Variants in RYR3 observed in about 807,000 individuals in gnomAD.
RYR3 encodes ryanodine receptor 3, also known as brain ryanodine receptor-calcium release channel.
RYR3 carries 207 observed loss-of-function variants against 584.3 expected under a neutral mutation model. The observed-to-expected ratio is 0.35, with a 90% confidence interval of 0.32 to 0.40. RYR3 has a LOEUF of 0.40. Among genes scored for constraint, RYR3 ranks in the 10% least tolerant of loss-of-function variants. RYR3 has a pLI of 1.00. For synonymous variants in RYR3, 2,416 were observed against 2,248.5 expected, an observed-to-expected ratio of 1.07 and a Z score of -2.11; for missense variants, 5,616 against 6,089.2, an observed-to-expected ratio of 0.92 and a Z score of 2.59.
chr15:33,322,412 A>G (rs1969092570), intron 1 of RYR3, among the ~76,000 whole-genome samples: 1 of 152,078 alleles, frequency 6.6e-6, no homozygotes. Flanking sequence ...ATTTCACAAG[A>G]ATCCCCTTTA....
intron 53 of RYR3, 93 bp downstream of exon 53, chr15:33,746,250 C>A (rs1054153285): frequency 2.3e-6 from 2 of 868,310 alleles, no homozygotes; most frequent in Non-Finnish European, 3.8e-6. Context: ...TTCACTCTCA[C>A]GTCCCTACAA....
At chr15:33,536,115 T>A (rs1400760332) in intron 5 of RYR3, among the ~76,000 whole-genome samples, 2 of 152,172 alleles carry the variant, frequency 1.3e-5, no homozygotes, top group Non-Finnish European at 2.9e-5. Flanking sequence ...TCACACGGAA[T>A]CCAACAGAAG....
Position 33,355,409 on chromosome 15 carries a change from T to C in RYR3, c.51+44313T>C, listed in dbSNP as rs1973835429. Among the ~76,000 whole-genome samples, 2 of 152,150 alleles carry C rather than the reference T, an allele frequency of 1.3e-5. 1 individual carries two copies. Among genetic ancestry groups the C allele is most frequent in the South Asian group, 4.1e-4 (2 of 4,832 alleles). On this transcript the variant is annotated intron_variant, in intron 1 of 103. Coordinates refer to ENST00000634891, the MANE Select transcript of RYR3 (RefSeq NM_001036.6). ...ATCATATGGTACCTATAGCATCACATAGCAGCCTTCCCAGCAACCCTATGA... is the reference window on the plus strand; with the variant it reads ...ATCATATGGTACCTATAGCATCACACAGCAGCCTTCCCAGCAACCCTATGA...
chr15:33,570,847 T>G (rs2057990253), intron 12 of RYR3, among the ~76,000 whole-genome samples: 1 of 151,670 alleles, frequency 6.6e-6, no homozygotes, highest in African/African-American at 2.4e-5. Flanking sequence ...TATAATTATT[T>G]TTTTGATTTC....
chr15:33,859,477 G>A, intron 99 of RYR3, 98 bp from the exon 100 acceptor site: 1 of 1,392,826 alleles, frequency 7.2e-7, no homozygotes, highest in Non-Finnish European at 1.0e-6. Context: ...GTGGCTTAGG[G>A]CTGCCACAAT....
intron 16 of RYR3, among the ~76,000 whole-genome samples, chr15:33,596,765 T>C (rs1160044112): frequency 6.6e-6 from 1 of 152,208 alleles, no homozygotes; most frequent in Non-Finnish European, 1.5e-5. Context: ...TTCCTTTCAA[T>C]GGCAAAAACC....
At chr15:33,775,652 G>T (rs931674925) in intron 64 of RYR3, among the ~76,000 whole-genome samples, 1 of 152,092 alleles carries the variant, frequency 6.6e-6, no homozygotes, top group African/African-American at 2.4e-5. Flanking sequence ...TACTTCTTTC[G>T]CTTTGCCTGA....
At chr15:33,555,008 T>G (rs1595570070) in intron 10 of RYR3, among the ~76,000 whole-genome samples, 2 of 152,222 alleles carry the variant, frequency 1.3e-5, no homozygotes, top group African/African-American at 4.8e-5. Context: ...TTGGGATAGA[T>G]TCTCGAATGT....
chr15:33,639,017 G>A (rs114868692), intron 27 of RYR3, among the ~76,000 whole-genome samples: 10 of 152,234 alleles, frequency 6.6e-5, no homozygotes, highest in East Asian at 1.9e-4. Context: ...CAGCCTTTTC[G>A]TTCAAGAAAC....
At chr15:33,380,934 C>G (rs1340189588) in intron 1 of RYR3, among the ~76,000 whole-genome samples, 2 of 152,166 alleles carry the variant, frequency 1.3e-5, no homozygotes. Context: ...CTTGGTTTAT[C>G]ACATCTGTGC....
chr15:33,795,392 TTTTTTTTTTTG>T (rs1019332219), intron 67 of RYR3, among the ~76,000 whole-genome samples: 9 of 79,626 alleles, frequency 1.1e-4, no homozygotes, highest in Non-Finnish European at 2.3e-4. Context: ...TTTTTTTTTT[TTTTTTTTTTTG>T]TGAGACAGAG....
At chr15:33,415,210 G>A (rs2043713465) in intron 1 of RYR3, among the ~76,000 whole-genome samples, 1 of 152,150 alleles carries the variant, frequency 6.6e-6, no homozygotes, top group Non-Finnish European at 1.5e-5. Flanking sequence ...GATATATTGG[G>A]TTGAGTAAAT....
chr15:33,726,046 G>A lies in RYR3; in HGVS notation c.6913-340G>A, dbSNP rs141767325. On this transcript the variant is annotated intron_variant, in intron 45 of 103. Transcript: ENST00000634891. ...TGGCCACGCTGTCAACACTTCTGTCGTGGCCACTGAGCACTTCCGGCAGTG... is the reference window on the plus strand; with the variant it reads ...TGGCCACGCTGTCAACACTTCTGTCATGGCCACTGAGCACTTCCGGCAGTG... Among the ~76,000 whole-genome samples the A allele has an allele frequency of 8.2e-3, 1,212 of 147,376 alleles. 7 individuals are homozygous for A. The highest frequency in any genetic ancestry group is 0.039 in the Middle Eastern group (11 of 280).
chr15:33,425,817 T>C (rs1217405791), intron 1 of RYR3, among the ~76,000 whole-genome samples: 3 of 151,980 alleles, frequency 2.0e-5, no homozygotes, highest in African/African-American at 4.8e-5. Flanking sequence ...AATTTTTTTG[T>C]ATTTTTAGTA....
chr15:33,346,150 A>G (rs913856950), intron 1 of RYR3, among the ~76,000 whole-genome samples: 6 of 152,218 alleles, frequency 3.9e-5, no homozygotes, highest in African/African-American at 1.4e-4. Context: ...TGGTTGCAAA[A>G]TAGAGGTGAC....
At chr15:33,484,955 G>A (rs1177003641) in intron 2 of RYR3, among the ~76,000 whole-genome samples, 2 of 151,990 alleles carry the variant, frequency 1.3e-5, no homozygotes, top group African/African-American at 4.8e-5. Flanking sequence ...TAAAGGAATT[G>A]GTAAATCACA....
intron 1 of RYR3, among the ~76,000 whole-genome samples, chr15:33,375,287 T>C (rs1308218250): frequency 6.6e-6 from 1 of 152,182 alleles, no homozygotes; most frequent in Non-Finnish European, 1.5e-5. Context: ...TAGCAATTAT[T>C]GTTATTGCTG....
intron 11 of RYR3, among the ~76,000 whole-genome samples, 169 bp from the exon 12 acceptor site, chr15:33,566,509 G>C (rs544453609): frequency 1.3e-4 from 20 of 152,334 alleles, no homozygotes; most frequent in African/African-American, 4.3e-4. Context: ...GTCACTAATA[G>C]GGCGTATGGG....
rs777615310 is a variant in RYR3 at position 33,652,818 on chromosome 15, G to T, written c.4243G>T (p.Val1415Leu). 6 of 1,613,806 alleles carry T rather than the reference G, an allele frequency of 3.7e-6. No homozygotes were observed. Among genetic ancestry groups the T allele is most frequent in the Non-Finnish European group, 5.1e-6 (6 of 1,179,874 alleles). ...CGTGGACCTGGAGATCGGCTGTCTC[G>T]TGGATCTGGCCATGGGCATGTTGTC... Reference protein sequence around the residue: ...SNVDLEIGCLVDLAMGMLSFS... With the variant: ...SNVDLEIGCLLDLAMGMLSFS... The change falls in exon 32 of 104, where the codon GTG (valine) becomes TTG (leucine). Residue 1415 changes from valine to leucine, a missense_variant. Val to Leu is a conservative substitution (Grantham distance 32). Coordinates refer to ENST00000634891, the MANE Select transcript of RYR3 (RefSeq NM_001036.6).
Sources: allele counts gnomAD v4.1 joint callset (sites outside exome capture counted in the v4.1 genomes callset), GRCh38; gene constraint gnomAD v4.1.1; transcripts MANE v1.5; gene names NCBI Gene and HGNC (gene_info 2026-07-23, HGNC 2026-07-21).